KATNAL2: variants seen among roughly 807,000 people sequenced by gnomAD.
The protein encoded by KATNAL2 is katanin p60 ATPase-containing subunit A-like 2.
KATNAL2 carries 52 observed loss-of-function variants against 76.3 expected under a neutral mutation model. The ratio of observed to expected loss-of-function variants is 0.68; its 90% CI spans 0.55 to 0.86. The LOEUF (loss-of-function observed/expected upper bound fraction) is 0.86. Among genes scored for constraint, KATNAL2 ranks in the 40% least tolerant of loss-of-function variants. KATNAL2 has a pLI of 0.00. For synonymous variants in KATNAL2, 243 were observed against 244.2 expected (o/e 1.00, Z 0.05); for missense variants, 660 against 668.9 (o/e 0.99, Z 0.15).
At chr18:46,929,535 G>A (rs374812450) in intron 1 of KATNAL2, among the ~76,000 whole-genome samples, 3 of 151,888 alleles carry the variant, frequency 2.0e-5, no homozygotes, top group East Asian at 2.0e-4. Flanking sequence ...GGGCTATCAC[G>A]CTTGGCCACA....
intron 3 of KATNAL2, among the ~76,000 whole-genome samples, chr18:46,953,706 G>A (rs1007103310): frequency 6.6e-6 from 1 of 151,906 alleles, no homozygotes; most frequent in African/African-American, 2.4e-5. Context: ...GCAGTGAGCC[G>A]TGATCACACC....
chr18:47,074,987 T>G (rs2062145651), intron 13 of KATNAL2, among the ~76,000 whole-genome samples: 1 of 152,228 alleles, frequency 6.6e-6, no homozygotes, highest in Non-Finnish European at 1.5e-5. Flanking sequence ...AACTGCAAGC[T>G]TGGGAACCTA....
Position 47,100,280 on chromosome 18 carries a change from T to C in KATNAL2, c.1401T>C (p.Asp467=), listed in dbSNP as rs754189396. 31 of 1,613,996 alleles carry C rather than the reference T, an allele frequency of 1.9e-5. No individual in the cohort carries two copies. Among genetic ancestry groups the C allele is most frequent in the Non-Finnish European group, 8.5e-6 (10 of 1,179,984 alleles). The part of the protein sequence containing the change: ...SQETEGYSGS[D]IKLVCREAAM... The stretch of plus-strand genomic sequence containing the variant: ...AGACTGAGGGCTACTCAGGCTCAGA[T>C]ATTAAGCTCGTCTGCAGGGAAGCAG... The change falls in exon 17 of 18, where the codon GAT becomes GAC. Residue 467 remains aspartate (D), a synonymous_variant. Transcript: ENST00000683218.
Position 46,929,212 on chromosome 18 carries a change from A to G in KATNAL2, c.-510+11286A>G, listed in dbSNP as rs111850971. Among the ~76,000 whole-genome samples, 796 of 151,400 alleles carry G rather than the reference A, an allele frequency of 5.3e-3. 9 individuals are homozygous for G. Among genetic ancestry groups the G allele is most frequent in the African/African-American group, 0.019 (765 of 41,280 alleles). On this transcript the variant is annotated intron_variant, in intron 1 of 17. Transcript: ENST00000683218. ...TTTTAAATTCAGCATAAATTATTTG[A>G]GGTTGACATGTTGCATATTTCAATT... is the stretch of plus-strand genomic sequence containing the variant.
At chr18:46,921,290 G>C (rs895620423) in intron 1 of KATNAL2, among the ~76,000 whole-genome samples, 3 of 152,120 alleles carry the variant, frequency 2.0e-5, no homozygotes, top group African/African-American at 7.2e-5. Context: ...ACCATGCCCA[G>C]CTAATTTTTG....
At chr18:47,085,064 C>G (rs2062713309) in intron 15 of KATNAL2, among the ~76,000 whole-genome samples, 1 of 152,042 alleles carries the variant, frequency 6.6e-6, no homozygotes, top group African/African-American at 2.4e-5. Flanking sequence ...GCTCCCTATG[C>G]TGCATTCTTG....
intron 1 of KATNAL2, among the ~76,000 whole-genome samples, chr18:46,936,957 A>G (rs2146596973): frequency 6.6e-6 from 1 of 152,296 alleles, no homozygotes; most frequent in East Asian, 1.9e-4. Context: ...TTCTTCTCAA[A>G]AAGAAAAACA....
At chr18:47,053,122 A>C in intron 5 of KATNAL2, 76 bp downstream of exon 5, 1 of 1,241,958 alleles carries the variant, frequency 8.1e-7, no homozygotes, top group East Asian at 2.4e-5. Flanking sequence ...TTATTCCCAG[A>C]TAGATGGAGA....
At chr18:47,046,315 TC>T in intron 3 of KATNAL2, 141 bp from the exon 4 acceptor site, 1 of 627,240 alleles carries the variant, frequency 1.6e-6, no homozygotes, top group South Asian at 1.9e-5. Context: ...ACTTTATATG[TC>T]CTTAGAGACT....
intron 8 of KATNAL2, 86 bp from the exon 9 acceptor site, chr18:47,062,886 A>G (rs2061679024): frequency 9.7e-7 from 1 of 1,027,958 alleles, no homozygotes; most frequent in African/African-American, 1.6e-5. Context: ...GGGTCTATAA[A>G]TGTGTCTTGG....
chr18:47,056,718 G>T (rs559326987), intron 6 of KATNAL2, among the ~76,000 whole-genome samples: 3 of 152,310 alleles, frequency 2.0e-5, no homozygotes, highest in African/African-American at 4.8e-5. Flanking sequence ...TTGGGGATCA[G>T]TTGCATCCAA....
chr18:46,929,273 C>A (rs971571775), intron 1 of KATNAL2, among the ~76,000 whole-genome samples: 2 of 151,832 alleles, frequency 1.3e-5, no homozygotes, highest in Admixed American at 6.6e-5. Context: ...GACAGAGTCT[C>A]ACTCTGTTGC....
At chr18:47,069,163 GA>G in intron 11 of KATNAL2, 56 bp from the exon 12 acceptor site, 2 of 1,204,484 alleles carry the variant, frequency 1.7e-6, no homozygotes, top group Non-Finnish European at 2.5e-6. Flanking sequence ...TCTGTGCTGA[GA>G]GTATGCAGGC....
chr18:47,082,241 T>C (rs1054112371), intron 15 of KATNAL2, among the ~76,000 whole-genome samples: 2 of 152,204 alleles, frequency 1.3e-5, no homozygotes, highest in African/African-American at 4.8e-5. Flanking sequence ...TAATTCTTTG[T>C]GGTGGGACTG....
chr18:47,036,713 T>G (rs1233536382), intron 3 of KATNAL2, among the ~76,000 whole-genome samples: 1 of 152,254 alleles, frequency 6.6e-6, no homozygotes. Flanking sequence ...ATTTGAAATA[T>G]CTATGGTTTT....
chr18:47,074,436 C>T (rs2062118904), intron 13 of KATNAL2, among the ~76,000 whole-genome samples: 1 of 152,116 alleles, frequency 6.6e-6, no homozygotes, highest in Non-Finnish European at 1.5e-5. Context: ...TCCCCCATGC[C>T]TATTAAAGAA....
At chr18:47,039,504 T>C (rs1190682728) in intron 3 of KATNAL2, among the ~76,000 whole-genome samples, 1 of 152,198 alleles carries the variant, frequency 6.6e-6, no homozygotes, top group African/African-American at 2.4e-5. Flanking sequence ...GAGTTTTCCC[T>C]AATGAGTTTT....
intron 7 of KATNAL2, among the ~76,000 whole-genome samples, chr18:47,058,646 G>C (rs554081410): frequency 6.9e-6 from 1 of 144,626 alleles, no homozygotes; most frequent in South Asian, 2.1e-4. Flanking sequence ...AGAGCGGGAA[G>C]GCCTGGTTGC....
In KATNAL2 at chr18:47,054,377, A is replaced by G; in HGVS notation, c.290-19A>G. The stretch of plus-strand genomic sequence containing the variant: ...CTTAAAATTATTTTCTTTCCCTCCC[A>G]ATGTCTGTTTTGTCACAGCAGAAAA... On this transcript the variant is annotated intron_variant, in intron 5 of 17. Coordinates refer to ENST00000683218, the MANE Select transcript of KATNAL2 (RefSeq NM_001387690.1). 6.2e-7 allele frequency: 1 copy of G among 1,606,340 alleles called. No homozygotes were observed.
Sources: allele counts gnomAD v4.1 joint callset (sites outside exome capture counted in the v4.1 genomes callset), GRCh38; gene constraint gnomAD v4.1.1; transcripts MANE v1.5; gene names NCBI Gene and HGNC (gene_info 2026-07-23, HGNC 2026-07-21).